Variants in BTBD9 observed in about 807,000 individuals in gnomAD.
BTBD9 encodes the protein BTB domain containing 9.
Under a neutral mutation model 64.3 loss-of-function variants are expected in BTBD9, and 49 were observed. The ratio of observed to expected loss-of-function variants is 0.76; its 90% CI spans 0.61 to 0.97. The LOEUF (loss-of-function observed/expected upper bound fraction) is 0.97, where lower values mean the gene tolerates loss of function less well. Ranked by LOEUF, BTBD9 falls within the 50% of genes least tolerant of loss-of-function variation. The pLI is 0.00. For synonymous variants in BTBD9, 260 were observed against 274.7 expected (o/e 0.95, Z 0.53); for missense variants, 598 against 762.1 (o/e 0.78, Z 2.53).
chr6:38,304,762 A>G (rs1762564305), intron 7 of BTBD9, among the ~76,000 whole-genome samples: 1 of 152,078 alleles, frequency 6.6e-6, no homozygotes, highest in East Asian at 1.9e-4. Context: ...CTTTTTGCTA[A>G]TAAGTCAAAT....
intron 7 of BTBD9, among the ~76,000 whole-genome samples, chr6:38,325,653 C>G (rs1293218764): frequency 6.6e-6 from 1 of 152,124 alleles, no homozygotes; most frequent in African/African-American, 2.4e-5. Flanking sequence ...CCACTGCACT[C>G]CAGCCTGGGC....
chr6:38,602,973 G>A (rs1013657430), intron 1 of BTBD9, among the ~76,000 whole-genome samples: 4 of 152,072 alleles, frequency 2.6e-5, no homozygotes, highest in African/African-American at 9.7e-5. Flanking sequence ...GAGAGTTTCA[G>A]TCTGACTTTT....
At chr6:38,563,053 C>T (rs1453179264) in intron 6 of BTBD9, among the ~76,000 whole-genome samples, 2 of 152,126 alleles carry the variant, frequency 1.3e-5, no homozygotes, top group African/African-American at 4.8e-5. Flanking sequence ...TTCTTGAAGC[C>T]ACACATTCTT....
intron 8 of BTBD9, among the ~76,000 whole-genome samples, chr6:38,286,877 T>C (rs1761747079): frequency 6.7e-6 from 1 of 149,162 alleles, no homozygotes; most frequent in Non-Finnish European, 1.5e-5. Flanking sequence ...AGGTCAGGAG[T>C]TCAAGACCAG....
At chr6:38,377,431 T>C (rs1323610853) in intron 6 of BTBD9, among the ~76,000 whole-genome samples, 1 of 152,170 alleles carries the variant, frequency 6.6e-6, no homozygotes, top group Non-Finnish European at 1.5e-5. Flanking sequence ...CAGAAACCAA[T>C]GATAGTATGC....
chr6:38,623,626 T>C (rs9470908), intron 1 of BTBD9, among the ~76,000 whole-genome samples: 9,545 of 152,196 alleles, frequency 0.063, 712 homozygotes, highest in East Asian at 0.23. Flanking sequence ...CTTCCCGGCA[T>C]TTACAGGAAA....
At chr6:38,538,146 T>C (rs1423883617) in intron 6 of BTBD9, among the ~76,000 whole-genome samples, 2 of 152,220 alleles carry the variant, frequency 1.3e-5, no homozygotes, top group Non-Finnish European at 2.9e-5. Context: ...CCAAAACCAC[T>C]CTTTGCAAAT....
intron 6 of BTBD9, among the ~76,000 whole-genome samples, chr6:38,559,576 GT>G (rs1775184573): frequency 6.6e-6 from 1 of 152,006 alleles, no homozygotes; most frequent in Admixed American, 6.6e-5. Context: ...AGAAAAAACT[GT>G]TCTAAAATTC....
intron 6 of BTBD9, among the ~76,000 whole-genome samples, chr6:38,450,139 A>C (rs1041190834): frequency 6.6e-6 from 1 of 152,232 alleles, no homozygotes; most frequent in Non-Finnish European, 1.5e-5. Flanking sequence ...AAGAACATTA[A>C]GTTAAATGAA....
intron 7 of BTBD9, among the ~76,000 whole-genome samples, chr6:38,308,318 T>C (rs1762700210): frequency 6.6e-6 from 1 of 152,218 alleles, no homozygotes; most frequent in Non-Finnish European, 1.5e-5. Flanking sequence ...TCTATTTTTT[T>C]CTTTCCTCCG....
chr6:38,300,451 G>A (rs1762345900), intron 7 of BTBD9, among the ~76,000 whole-genome samples: 1 of 152,194 alleles, frequency 6.6e-6, no homozygotes, highest in Admixed American at 6.5e-5. Context: ...ACCTTGGGCA[G>A]TGTGACCATT....
At chr6:38,292,904 T>C (rs1001661340) in intron 7 of BTBD9, among the ~76,000 whole-genome samples, 2 of 152,188 alleles carry the variant, frequency 1.3e-5, no homozygotes. Context: ...CTTTTAATTG[T>C]GATGTTAGGG....
chr6:38,548,917 C>T (rs1774676561), intron 6 of BTBD9, among the ~76,000 whole-genome samples: 1 of 152,116 alleles, frequency 6.6e-6, no homozygotes, highest in African/African-American at 2.4e-5. Flanking sequence ...AGGAAAAAAT[C>T]AATAACTGCA....
intron 9 of BTBD9, among the ~76,000 whole-genome samples, chr6:38,198,301 C>T (rs910407280): frequency 8.3e-5 from 12 of 145,210 alleles, no homozygotes; most frequent in Admixed American, 3.5e-4. Flanking sequence ...GTGTGGATCT[C>T]GCAGGTGGTG....
intron 7 of BTBD9, among the ~76,000 whole-genome samples, chr6:38,328,001 A>G (rs1464010048): frequency 1.3e-5 from 2 of 152,242 alleles, no homozygotes; most frequent in African/African-American, 4.8e-5. Flanking sequence ...GGCCCTGCAC[A>G]TCCTGCCTTG....
At chr6:38,322,084 G>C (rs1763259124) in intron 7 of BTBD9, among the ~76,000 whole-genome samples, 1 of 151,906 alleles carries the variant, frequency 6.6e-6, no homozygotes, top group Non-Finnish European at 1.5e-5. Context: ...CCCACCAAAC[G>C]AGAAGGAAGA....
chr6:38,188,905 G>A (rs1028480730), intron 10 of BTBD9, among the ~76,000 whole-genome samples: 2 of 152,154 alleles, frequency 1.3e-5, no homozygotes, highest in African/African-American at 2.4e-5. Flanking sequence ...CCCAGAAGAC[G>A]GCCCTCACCA....
At chr6:38,544,764 TA>T (rs1303502086) in intron 6 of BTBD9, among the ~76,000 whole-genome samples, 2 of 151,576 alleles carry the variant, frequency 1.3e-5, no homozygotes, top group East Asian at 1.9e-4. Context: ...CTGTCTCTAC[TA>T]AAAATACAAA....
At chr6:38,336,966 A>G (rs1481153193) in intron 7 of BTBD9, among the ~76,000 whole-genome samples, 3 of 152,124 alleles carry the variant, frequency 2.0e-5, no homozygotes, top group Admixed American at 6.5e-5. Context: ...TACAGTAGCT[A>G]AAGAAGTTAA....
Sources: allele counts gnomAD v4.1 joint callset (sites outside exome capture counted in the v4.1 genomes callset), GRCh38; gene constraint gnomAD v4.1.1; transcripts MANE v1.5; gene names NCBI Gene and HGNC (gene_info 2026-07-23, HGNC 2026-07-21).